The following YBEY variants were observed in gnomAD, a reference collection of about 807,000 sequenced individuals.
The protein encoded by YBEY is ybeY metalloendoribonuclease, also known as endoribonuclease YbeY.
Under a neutral mutation model 13.5 loss-of-function variants are expected in YBEY, and 15 were observed. That is an observed-to-expected ratio of 1.11 (90% CI 0.75 to 1.72). YBEY has a LOEUF of 1.72. YBEY is among the 40% of genes most tolerant of loss of function. YBEY has a pLI of 0.00. For synonymous variants in YBEY, 101 were observed against 83.1 expected (o/e 1.21, Z -1.17); for missense variants, 244 against 208.4 (o/e 1.17, Z -1.05).
chr21:46,308,231 A>AG, the YBEY span, among the ~76,000 whole-genome samples: 2 of 152,018 alleles, frequency 1.3e-5, no homozygotes, highest in Non-Finnish European at 2.9e-5. Flanking sequence ...GGGAGGCCGA[A>AG]GGGGGCAGAT....
At chr21:46,301,050 T>C, downstream of YBEY, 3 of 1,030,656 alleles carry the variant, frequency 2.9e-6, no homozygotes, top group Non-Finnish European at 3.5e-6. Flanking sequence ...AACCAGCATG[T>C]AGAGATTTCT....
the YBEY span, among the ~76,000 whole-genome samples, chr21:46,302,926 G>A: frequency 7.1e-6 from 1 of 140,992 alleles, no homozygotes; most frequent in East Asian, 2.2e-4. Flanking sequence ...TCTGCACACG[G>A]TGCGGGTCCC....
intron 4 of YBEY, among the ~76,000 whole-genome samples, chr21:46,297,322 C>G (rs1387101491): frequency 6.6e-6 from 1 of 151,132 alleles, no homozygotes; most frequent in Non-Finnish European, 1.5e-5. Context: ...CCCGAGGCCC[C>G]GCTTATTCTC....
the YBEY span, among the ~76,000 whole-genome samples, chr21:46,312,028 C>T: frequency 6.9e-6 from 1 of 144,132 alleles, no homozygotes; most frequent in Non-Finnish European, 1.5e-5. Context: ...CCCATCCACC[C>T]ATCCACCTAC....
the YBEY span, among the ~76,000 whole-genome samples, chr21:46,306,845 C>T: frequency 1.3e-5 from 2 of 152,126 alleles, no homozygotes; most frequent in African/African-American, 4.8e-5. Context: ...ACCTCGGCCT[C>T]CCAAAATGCT....
chr21:46,303,795 A>C, the YBEY span, among the ~76,000 whole-genome samples: 1 of 124,260 alleles, frequency 8.0e-6, no homozygotes, highest in Non-Finnish European at 1.6e-5. Context: ...TCTGTCGCCG[A>C]GGCTGGAGTG....
intron 3 of YBEY, 118 bp from the exon 4 acceptor site, chr21:46,296,044 C>G: frequency 9.6e-7 from 1 of 1,039,910 alleles, no homozygotes; most frequent in East Asian, 2.4e-5. Flanking sequence ...AGGGGTCTCA[C>G]AGCAACCCTG....
At chr21:46,292,893 G>A in intron 3 of YBEY, among the ~76,000 whole-genome samples, 1 of 84,698 alleles carries the variant, frequency 1.2e-5, no homozygotes, top group Admixed American at 1.2e-4. Flanking sequence ...CGGTTAGCCT[G>A]ACCCGTGCCC....
At chr21:46,303,174 A>G in the YBEY span, among the ~76,000 whole-genome samples, 1 of 151,958 alleles carries the variant, frequency 6.6e-6, no homozygotes, top group Non-Finnish European at 1.5e-5. Context: ...CAAGAAAAAA[A>G]AAAAATTAAA....
At chr21:46,310,817 C>A in the YBEY span, among the ~76,000 whole-genome samples, 14 of 151,218 alleles carry the variant, frequency 9.3e-5, no homozygotes, top group African/African-American at 1.4e-4. Flanking sequence ...CTCTCTCTCT[C>A]TCTAAATAAA....
the YBEY span, chr21:46,313,114 A>G: frequency 1.1e-6 from 1 of 952,062 alleles, no homozygotes; most frequent in Non-Finnish European, 1.3e-6. Flanking sequence ...CAGCTTCCAA[A>G]GCAGGACACA....
chr21:46,303,842 C>T, the YBEY span, among the ~76,000 whole-genome samples: 9 of 142,320 alleles, frequency 6.3e-5, no homozygotes, highest in Admixed American at 5.8e-4. Context: ...AGCTCCGCCT[C>T]CTGGGTTCAC....
chr21:46,295,534 C>T (rs777077184), intron 3 of YBEY, among the ~76,000 whole-genome samples: 11 of 152,116 alleles, frequency 7.2e-5, no homozygotes, highest in African/African-American at 9.7e-5. Context: ...CATCCGGGTG[C>T]CCCTCCCCTG....
chr21:46,298,960 A>G (rs1260794213), downstream of YBEY, among the ~76,000 whole-genome samples: 1 of 147,472 alleles, frequency 6.8e-6, no homozygotes, highest in Non-Finnish European at 1.5e-5. Flanking sequence ...GACCTCAAGT[A>G]ATCTGCCCGC....
At chr21:46,312,245 T>C in the YBEY span, among the ~76,000 whole-genome samples, 1 of 152,198 alleles carries the variant, frequency 6.6e-6, no homozygotes, top group African/African-American at 2.4e-5. Context: ...CCACATTTCC[T>C]GTCTTTAGCG....
In YBEY at chr21:46,297,245, GCCCTCCTC is replaced by G. The variant is rs1463328769; in HGVS notation, c.409-282_409-275del. On this transcript the variant is annotated intron_variant, in intron 4 of 4. Transcript: ENST00000397701. ...ACCCGGGAGGTGGAGGTTGCAGTGA[GCCCTCCTC>G]CCCTCCTCCCCCTTCCCTTCCCACC... is the stretch of plus-strand genomic sequence containing the variant. Among the ~76,000 whole-genome samples, 769 of 151,906 alleles carry G rather than the reference GCCCTCCTC, an allele frequency of 5.1e-3. 7 individuals carry two copies. Among genetic ancestry groups the G allele is most frequent in the African/African-American group, 0.018 (732 of 41,324 alleles).
chr21:46,298,664 C>T (rs1322020535), downstream of YBEY, among the ~76,000 whole-genome samples: 6 of 151,844 alleles, frequency 4.0e-5, no homozygotes, highest in East Asian at 3.9e-4. Context: ...CTCCTGACCT[C>T]GTGATCCGCC....
At chr21:46,307,559 T>C in the YBEY span, among the ~76,000 whole-genome samples, 2 of 152,304 alleles carry the variant, frequency 1.3e-5, no homozygotes, top group Admixed American at 6.5e-5. Flanking sequence ...CCCTTCTTTA[T>C]GATGGCACAA....
chr21:46,291,517 A>G (rs778723342), intron 3 of YBEY, 55 bp downstream of exon 3: 8 of 1,604,658 alleles, frequency 5.0e-6, no homozygotes, highest in Middle Eastern at 1.7e-4. Context: ...GGGCCTTGCA[A>G]AGGGGTCAAG....
Sources: allele counts gnomAD v4.1 joint callset (sites outside exome capture counted in the v4.1 genomes callset), GRCh38; gene constraint gnomAD v4.1.1; transcripts MANE v1.5; gene names NCBI Gene and HGNC (gene_info 2026-07-23, HGNC 2026-07-21).